GAN: variants seen among roughly 807,000 people sequenced by gnomAD.
The protein encoded by GAN is epididymis secretory sperm binding protein.
A neutral mutation model predicts 71.3 loss-of-function variants in GAN; 48 were observed. The observed-to-expected ratio is 0.67, with a 90% CI of 0.53 to 0.86. The LOEUF (loss-of-function observed/expected upper bound fraction) is 0.86, where lower values mean the gene tolerates loss of function less well. Ranked by LOEUF, GAN falls within the 40% of genes least tolerant of loss-of-function variation. The pLI, the probability that GAN is intolerant of heterozygous loss-of-function variation, is 0.00. For missense variants in GAN, 928 were observed against 770.1 expected, an observed-to-expected ratio of 1.21 and a Z score of -2.43; for synonymous variants, 386 against 276.8, an observed-to-expected ratio of 1.39 and a Z score of -3.92.
chr16:81,335,510 A>G (rs1209800164), intron 1 of GAN, among the ~76,000 whole-genome samples: 3 of 151,968 alleles, frequency 2.0e-5, no homozygotes, highest in African/African-American at 7.3e-5. Context: ...ACTTTGGGAG[A>G]CCAAGGTGGG....
chr16:81,376,706 A>G (rs1904282529), intron 9 of GAN, among the ~76,000 whole-genome samples: 1 of 150,312 alleles, frequency 6.7e-6, no homozygotes, highest in Admixed American at 6.6e-5. Flanking sequence ...ATGCACACGC[A>G]TACACACACA....
chr16:81,332,388 A>G (rs549743107), intron 1 of GAN, among the ~76,000 whole-genome samples: 4 of 152,298 alleles, frequency 2.6e-5, no homozygotes, highest in East Asian at 1.9e-4. Context: ...AGTGCTTTCT[A>G]CACTGGTCCT....
chr16:81,320,663 G>C (rs898724005), intron 1 of GAN, among the ~76,000 whole-genome samples: 1 of 152,206 alleles, frequency 6.6e-6, no homozygotes, highest in Admixed American at 6.5e-5. Context: ...TTAGTGCTCA[G>C]GGGTTCAGTT....
chr16:81,370,756 T>A (rs1911012685), intron 9 of GAN, among the ~76,000 whole-genome samples: 1 of 152,244 alleles, frequency 6.6e-6, no homozygotes, highest in African/African-American at 2.4e-5. Context: ...AAAGACCAGC[T>A]TCTACACTGG....
At chr16:81,355,994 G>GCTCC (rs911259976) in intron 3 of GAN, among the ~76,000 whole-genome samples, 1 of 152,128 alleles carries the variant, frequency 6.6e-6, no homozygotes, top group Admixed American at 6.6e-5. Context: ...TTTCCTATGT[G>GCTCC]CTCCCACTCA....
chr16:81,317,358 C>A (rs1174339595), intron 1 of GAN, among the ~76,000 whole-genome samples: 2 of 152,208 alleles, frequency 1.3e-5, no homozygotes, highest in South Asian at 2.1e-4. Flanking sequence ...TTTGAAGACC[C>A]GCTTTGTGCT....
chr16:81,369,161 C>T (rs1910956329), intron 9 of GAN, among the ~76,000 whole-genome samples: 1 of 152,170 alleles, frequency 6.6e-6, no homozygotes. Flanking sequence ...TCAGTTTCCT[C>T]TTTTGATTCC....
intron 1 of GAN, among the ~76,000 whole-genome samples, chr16:81,320,017 A>G (rs1909174494): frequency 6.6e-6 from 1 of 152,170 alleles, no homozygotes; most frequent in East Asian, 1.9e-4. Flanking sequence ...TTCCCCTGTC[A>G]TACAGGACTT....
At chr16:81,338,849 G>A (rs1479705974) in intron 1 of GAN, among the ~76,000 whole-genome samples, 1 of 152,138 alleles carries the variant, frequency 6.6e-6, no homozygotes, top group East Asian at 1.9e-4. Flanking sequence ...CCCTTTGAGA[G>A]GCCCTGATTT....
chr16:81,368,049 G>T (rs1384713772), intron 9 of GAN, among the ~76,000 whole-genome samples: 1 of 152,068 alleles, frequency 6.6e-6, no homozygotes, highest in East Asian at 1.9e-4. Context: ...TTGTTTTTAA[G>T]TAATCTCTTG....
At chr16:81,372,238 A>G (rs549631356) in intron 9 of GAN, among the ~76,000 whole-genome samples, 1 of 152,370 alleles carries the variant, frequency 6.6e-6, no homozygotes, top group East Asian at 1.9e-4. Flanking sequence ...TGAAAACATT[A>G]TAACTGAAGA....
rs780630449 is a variant in GAN, at chr16:81,377,590, C to A, written c.1788C>A (p.Ser596=). The A allele has an allele frequency of 3.7e-6, 6 of 1,613,888 alleles. No homozygotes were observed. The African/African-American group carries it at 8.0e-5, about 22-fold the overall frequency. The part of the protein sequence containing the change: ...QQGLFRIRVH[S]P ...GCTTATTCCGTATTCGTGTTCATTCCCCTTGAGGAGGAAGCAGAGCAGAGT... is the reference window on the plus strand; with the variant it reads ...GCTTATTCCGTATTCGTGTTCATTCACCTTGAGGAGGAAGCAGAGCAGAGT... Residue 596 remains serine, a synonymous_variant, in exon 11 of 11, where the codon TCC becomes TCA. Transcript: ENST00000648994.
chr16:81,365,496 C>T lies in GAN; in HGVS notation c.1502+18C>T. On this transcript the variant is annotated intron_variant, in intron 9 of 10. Coordinates refer to ENST00000648994, the MANE Select transcript of GAN (RefSeq NM_022041.4). Reference sequence around the variant, plus strand: ...TTTAAAAGGTAACTAAGAATGGTTTCACATAGCTACTGCAACTTTTTCTTT... The same window carrying T: ...TTTAAAAGGTAACTAAGAATGGTTTTACATAGCTACTGCAACTTTTTCTTT... 1 of 1,610,622 alleles carries T rather than the reference C, an allele frequency of 6.2e-7. No individual in the cohort carries two copies. The highest frequency in any genetic ancestry group is 8.5e-7 in the Non-Finnish European group (1 of 1,177,366).
At chr16:81,349,291 C>G (rs1015004905) in intron 1 of GAN, among the ~76,000 whole-genome samples, 9 of 152,008 alleles carry the variant, frequency 5.9e-5, no homozygotes, top group African/African-American at 1.9e-4. Context: ...TTGCTTACTG[C>G]TAAATTAGGA....
chr16:81,349,147 A>G (rs1472533797), intron 1 of GAN, among the ~76,000 whole-genome samples: 2 of 152,004 alleles, frequency 1.3e-5, no homozygotes, highest in Non-Finnish European at 2.9e-5. Flanking sequence ...ATTTCCTAAG[A>G]CTTTGTTAAC....
intron 1 of GAN, among the ~76,000 whole-genome samples, chr16:81,316,144 G>A (rs925357217): frequency 1.3e-5 from 2 of 152,160 alleles, no homozygotes; most frequent in Non-Finnish European, 2.9e-5. Context: ...TCTTGCAGGA[G>A]ACTATCTTTT....
chr16:81,363,702 T>TA (rs1910753936), intron 6 of GAN, 92 bp from the exon 7 acceptor site: 5 of 1,338,740 alleles, frequency 3.7e-6, no homozygotes, highest in Non-Finnish European at 5.4e-6. Context: ...TTGCCATCTT[T>TA]ATGTTTCTCT....
intron 1 of GAN, among the ~76,000 whole-genome samples, chr16:81,328,943 G>A (rs140745767): frequency 6.6e-6 from 1 of 152,162 alleles, no homozygotes; most frequent in African/African-American, 2.4e-5. Flanking sequence ...TATCTCCGTG[G>A]CTAAACAGGC....
Position 81,372,223 on chromosome 16 carries a change from C to A in GAN, c.1503-4996C>A, listed in dbSNP as rs909791093. 4.4e-4 allele frequency among the ~76,000 whole-genome samples: 67 copies of A among 152,246 alleles called. 1 individual carries two copies. Among genetic ancestry groups the A allele is most frequent in the East Asian group, 2.9e-3 (15 of 5,190 alleles). On this transcript the variant is annotated intron_variant, in intron 9 of 10. Coordinates refer to ENST00000648994, the MANE Select transcript of GAN (RefSeq NM_022041.4). Reference sequence around the variant, plus strand: ...TTATAGCCCCCATGTACTGACAAGCCCGTTTGAAAACATTATAACTGAAGA... The same window carrying A: ...TTATAGCCCCCATGTACTGACAAGCACGTTTGAAAACATTATAACTGAAGA...
Sources: gnomAD v4.1 joint callset for allele counts (sites outside exome capture counted in the v4.1 genomes callset) on GRCh38, gnomAD v4.1.1 for gene constraint, MANE v1.5 for transcripts, NCBI Gene and HGNC (gene_info 2026-07-23, HGNC 2026-07-21) for gene names.